Variants in MCPH1 observed in about 807,000 individuals in gnomAD.
MCPH1 encodes microcephalin.
Under a neutral mutation model 84.5 loss-of-function variants are expected in MCPH1, and 104 were observed. The observed-to-expected ratio is 1.23, with a 90% CI of 1.05 to 1.45. The LOEUF (loss-of-function observed/expected upper bound fraction) is 1.45. Among genes scored for constraint, MCPH1 ranks in the 40% most tolerant of loss-of-function variants. The pLI is 0.00. For missense variants in MCPH1, 1,498 were observed against 1,005.7 expected, an observed-to-expected ratio of 1.49 and a Z score of -6.62; for synonymous variants, 514 against 366.8, an observed-to-expected ratio of 1.40 and a Z score of -4.58.
At chr8:6,482,319 G>A (rs1041377968) in intron 11 of MCPH1, among the ~76,000 whole-genome samples, 8 of 152,198 alleles carry the variant, frequency 5.3e-5, no homozygotes, top group African/African-American at 1.9e-4. Context: ...CTGTGAAATT[G>A]TGAAGAAGGA....
intron 13 of MCPH1, among the ~76,000 whole-genome samples, chr8:6,641,266 T>C (rs980266783): frequency 3.9e-5 from 6 of 151,934 alleles, no homozygotes; most frequent in Non-Finnish European, 7.4e-5. Context: ...AGTGTAAAAA[T>C]TGAATCCATA....
intron 12 of MCPH1, among the ~76,000 whole-genome samples, chr8:6,530,942 T>A (rs2442605): frequency 0.19 from 28,216 of 152,108 alleles, 3,289 homozygotes; most frequent in African/African-American, 0.33. Context: ...TGATCCTTTT[T>A]GCTGAAGTAG....
chr8:6,488,449 T>A (rs1810189731), intron 11 of MCPH1, among the ~76,000 whole-genome samples: 1 of 152,162 alleles, frequency 6.6e-6, no homozygotes, highest in Non-Finnish European at 1.5e-5. Flanking sequence ...AGTGATTTTT[T>A]TAGTGGGAGA....
chr8:6,513,910 A>C, intron 12 of MCPH1: 4 of 1,424,228 alleles, frequency 2.8e-6, no homozygotes, highest in Non-Finnish European at 2.9e-6. Flanking sequence ...TGAAGTGGAT[A>C]GTCCGTCAAC....
chr8:6,510,970 G>T (rs997477674), intron 12 of MCPH1, among the ~76,000 whole-genome samples: 3 of 152,174 alleles, frequency 2.0e-5, no homozygotes, highest in African/African-American at 4.8e-5. Flanking sequence ...ACTCATCTCT[G>T]TTGGGATTTT....
chr8:6,510,793 T>C (rs2442633), intron 12 of MCPH1, among the ~76,000 whole-genome samples: 66,308 of 152,046 alleles, frequency 0.44, 14,738 homozygotes, highest in Middle Eastern at 0.53. Flanking sequence ...TGTGGAGTTC[T>C]GTAAGTGTTG....
intron 12 of MCPH1, among the ~76,000 whole-genome samples, chr8:6,611,402 G>A (rs2959805): frequency 0.88 from 133,910 of 152,134 alleles, 59,740 homozygotes; most frequent in Non-Finnish European, 0.96. Context: ...GTAACTTGCT[G>A]CAGCAGCTCA....
chr8:6,447,376 A>G (rs1804554158), intron 8 of MCPH1: 1 of 985,270 alleles, frequency 1.0e-6, no homozygotes, highest in African/African-American at 1.7e-5. Flanking sequence ...CCAAATCTTT[A>G]ATGTCGAAAT....
At chr8:6,500,888 A>T (rs1424217913) in intron 12 of MCPH1, 1 of 152,212 alleles carries the variant, frequency 6.6e-6, no homozygotes, top group African/African-American at 2.4e-5. Context: ...GCCTACAAAG[A>T]GAATTGATAT....
At chr8:6,523,023 A>C (rs1199163325) in intron 12 of MCPH1, among the ~76,000 whole-genome samples, 1 of 150,964 alleles carries the variant, frequency 6.6e-6, no homozygotes, top group African/African-American at 2.4e-5. Context: ...TTTGAGATGG[A>C]GTCTCGCTCT....
chr8:6,592,967 G>A (rs890960940), intron 12 of MCPH1, among the ~76,000 whole-genome samples: 5 of 151,030 alleles, frequency 3.3e-5, no homozygotes, highest in Admixed American at 2.0e-4. Flanking sequence ...GTGCCAGGCC[G>A]GCTCTTGTTT....
intron 12 of MCPH1, among the ~76,000 whole-genome samples, chr8:6,548,583 C>T (rs985696169): frequency 6.6e-6 from 1 of 152,094 alleles, no homozygotes; most frequent in Admixed American, 6.5e-5. Context: ...GGCTGATGAG[C>T]CAAGGTACAG....
chr8:6,457,826 G>C (rs2979647), intron 9 of MCPH1, among the ~76,000 whole-genome samples: 42,751 of 151,948 alleles, frequency 0.28, 8,262 homozygotes, highest in African/African-American at 0.55. Context: ...GTCCTTATTA[G>C]TGTTCACCGC....
intron 9 of MCPH1, among the ~76,000 whole-genome samples, chr8:6,462,647 T>G (rs1302060505): frequency 6.6e-6 from 1 of 152,192 alleles, no homozygotes; most frequent in Non-Finnish European, 1.5e-5. Context: ...CAGTCCCATC[T>G]CTGTTACTCA....
At chr8:6,470,747 C>G (rs1327442782) in intron 9 of MCPH1, among the ~76,000 whole-genome samples, 1 of 152,244 alleles carries the variant, frequency 6.6e-6, no homozygotes, top group Non-Finnish European at 1.5e-5. Flanking sequence ...CCACAGGAAT[C>G]AGAGGCTGTA....
chr8:6,639,665 T>TAA (rs202053630), intron 13 of MCPH1, among the ~76,000 whole-genome samples: 23 of 137,258 alleles, frequency 1.7e-4, no homozygotes, highest in East Asian at 1.0e-3. Flanking sequence ...CCTGTCTCTT[T>TAA]AAAAAAAAAA....
chr8:6,596,598 C>G (rs1163811328), intron 12 of MCPH1, among the ~76,000 whole-genome samples: 1 of 152,000 alleles, frequency 6.6e-6, no homozygotes, highest in East Asian at 1.9e-4. Flanking sequence ...GGTGCAGGAG[C>G]TCGTGAGTAT....
chr8:6,613,761 C>T (rs960061570), intron 12 of MCPH1, among the ~76,000 whole-genome samples: 46 of 151,994 alleles, frequency 3.0e-4, no homozygotes, highest in Non-Finnish European at 1.2e-4. Flanking sequence ...GAAGTGGGCA[C>T]CCCCGTCTAG....
intron 12 of MCPH1, among the ~76,000 whole-genome samples, chr8:6,518,167 G>A (rs3020220): frequency 6.6e-6 from 1 of 152,148 alleles, no homozygotes; most frequent in Non-Finnish European, 1.5e-5. Context: ...GGGGCTGCAT[G>A]GTTAGCGGCT....
Sources: allele counts gnomAD v4.1 joint callset (sites outside exome capture counted in the v4.1 genomes callset), GRCh38; gene constraint gnomAD v4.1.1; transcripts MANE v1.5; gene names NCBI Gene and HGNC (gene_info 2026-07-23, HGNC 2026-07-21).